The following RAD54L variants were observed in gnomAD, a reference collection of about 807,000 sequenced individuals.
The protein encoded by RAD54L is RAD54 like, also known as DNA repair and recombination protein RAD54-like.
Under a neutral mutation model 91.6 loss-of-function variants are expected in RAD54L, and 74 were observed. The ratio of observed to expected loss-of-function variants is 0.81; its 90% CI spans 0.67 to 0.98. RAD54L has a LOEUF of 0.98. Among genes scored for constraint, RAD54L ranks in the 50% least tolerant of loss-of-function variants. The pLI, the probability that RAD54L is intolerant of heterozygous loss-of-function variation, is 0.00. For missense variants in RAD54L, 887 were observed against 945.7 expected (o/e 0.94, Z 0.81); for synonymous variants, 304 against 349.7 (o/e 0.87, Z 1.46).
Position 46,261,394 on chromosome 1 carries a change from C to CTCT in RAD54L, c.891+10_891+12dup, listed in dbSNP as rs1226223342. The CTCT allele has an allele frequency of 8.1e-6, 13 of 1,613,950 alleles. No individual in the cohort carries two copies. Among genetic ancestry groups the CTCT allele is most frequent in the Non-Finnish European group, 1.1e-5 (13 of 1,180,014 alleles). On this transcript the variant is annotated intron_variant, in intron 8 of 17. Transcript: ENST00000371975. ...TGGTCATATGTGACGAGGTACTTGA[C>CTCT]TCTCAGCAGTCTGGGTGGTAGGAGA...
chr1:46,275,790 A>G (rs1339760943), intron 16 of RAD54L, among the ~76,000 whole-genome samples: 1 of 152,136 alleles, frequency 6.6e-6, no homozygotes, highest in Admixed American at 6.6e-5. Flanking sequence ...ACAGGAGACT[A>G]TGAATTTTTC....
intron 16 of RAD54L, among the ~76,000 whole-genome samples, chr1:46,275,469 C>T (rs1406622894): frequency 6.6e-6 from 1 of 151,582 alleles, no homozygotes; most frequent in Non-Finnish European, 1.5e-5. Context: ...TCTGGCTTGA[C>T]TTCCTTGTTT....
Position 46,261,279 on chromosome 1 carries a change from G to A in RAD54L, c.785G>A (p.Arg262His), listed in dbSNP as rs141226335. The change falls in exon 8 of 18, where the codon CGT becomes CAT. Residue 262 changes from arginine (R) to histidine (H), a missense_variant. By Grantham distance (29) the Arg-to-His change is conservative. Coordinates refer to ENST00000371975, the MANE Select transcript of RAD54L (RefSeq NM_003579.4). The stretch of plus-strand genomic sequence containing the variant: ...GTTGTAGAAGGATTCATGAACCAGC[G>A]TGGAGCCAGGGTGTCTTCTCCCATC... ...DQKLEGFMNQ[R>H]GARVSSPILI... 9.9e-6 allele frequency: 16 copies of A among 1,612,890 alleles called. No individual in the cohort carries two copies. Among genetic ancestry groups the A allele is most frequent in the Middle Eastern group, 1.6e-4 (1 of 6,062 alleles).
chr1:46,254,884 G>A (rs2148281439), intron 3 of RAD54L, among the ~76,000 whole-genome samples: 2 of 152,290 alleles, frequency 1.3e-5, no homozygotes, highest in Middle Eastern at 3.4e-3. Flanking sequence ...ACTGCAGCCG[G>A]TTGGGAGCAT....
At position 46,265,201 on chromosome 1, in the gene RAD54L, G is replaced by C. The variant is rs959637598; in HGVS notation, c.892-2258G>C. Among the ~76,000 whole-genome samples the C allele has an allele frequency of 6.6e-6, 1 of 151,790 alleles. No individual in the cohort carries two copies. Among genetic ancestry groups the C allele is most frequent in the Admixed American group, 6.6e-5 (1 of 15,240 alleles). On this transcript the variant is annotated intron_variant, in intron 8 of 17. Transcript: ENST00000371975. This position sits in a 1 kb window ranked among gnomAD's most constrained non-coding sequence, Gnocchi z 4.8. The stretch of plus-strand genomic sequence containing the variant: ...TTTTTTTTTCTTAATTAAATTTCTA[G>C]GCCAAATGCGGTGGCTTACACCTGT...
chr1:46,257,543 A>G (rs1659977651), intron 3 of RAD54L, among the ~76,000 whole-genome samples: 1 of 152,220 alleles, frequency 6.6e-6, no homozygotes, highest in African/African-American at 2.4e-5. Flanking sequence ...TAGCCCATGG[A>G]ATAATGCTGG....
At position 46,277,983 on chromosome 1, in the gene RAD54L, G is replaced by A. The variant is rs2148308227; in HGVS notation, c.2033+3G>A. ...AGCCTCAGTGACACACATGACAGGTGGGGAAGTGCCCTAACCATTATCTCT... is the reference window on the plus strand; with the variant it reads ...AGCCTCAGTGACACACATGACAGGTAGGGAAGTGCCCTAACCATTATCTCT... On this transcript the variant is annotated splice_donor_region_variant and intron_variant, in intron 17 of 17. Transcript: ENST00000371975. 1 of 1,614,126 alleles carries A rather than the reference G, an allele frequency of 6.2e-7. No homozygotes were observed. Among genetic ancestry groups the A allele is most frequent in the Non-Finnish European group, 8.5e-7 (1 of 1,180,016 alleles).
chr1:46,258,180 G>A (rs1245572678), intron 3 of RAD54L, among the ~76,000 whole-genome samples: 2 of 151,924 alleles, frequency 1.3e-5, no homozygotes, highest in East Asian at 1.9e-4. Context: ...GCCCGGCCTG[G>A]TGTTGTTAAT....
At chr1:46,261,114 G>T in intron 7 of RAD54L, 99 bp downstream of exon 7, 3 of 1,543,338 alleles carry the variant, frequency 1.9e-6, no homozygotes, top group Non-Finnish European at 2.6e-6. Flanking sequence ...CAATGCAGGG[G>T]TAGAAGAAAA....
At chr1:46,255,742 C>T (rs1659924323) in intron 3 of RAD54L, among the ~76,000 whole-genome samples, 1 of 152,102 alleles carries the variant, frequency 6.6e-6, no homozygotes, top group African/African-American at 2.4e-5. Context: ...CTCAGGTGAC[C>T]TGCCCGCCTT....
intron 3 of RAD54L, 35 bp downstream of exon 3, chr1:46,250,154 G>A: frequency 6.2e-7 from 1 of 1,613,506 alleles, no homozygotes; most frequent in Non-Finnish European, 8.5e-7. Context: ...GTGTATGTCT[G>A]TGCCCAGTCA....
intron 14 of RAD54L, 107 bp downstream of exon 14, chr1:46,273,854 T>C: frequency 1.4e-6 from 2 of 1,458,820 alleles, no homozygotes; most frequent in Non-Finnish European, 1.9e-6. Context: ...CATAAGGGCT[T>C]TCCCTGGAGA....
At chr1:46,259,814 G>T in intron 4 of RAD54L, 150 bp from the exon 5 acceptor site, 73 of 917,478 alleles carry the variant, frequency 8.0e-5, no homozygotes, top group Non-Finnish European at 1.1e-4. Flanking sequence ...TGGTCATATA[G>T]AGATGCCCAA....
chr1:46,249,010 T>C (rs903887053), intron 2 of RAD54L, among the ~76,000 whole-genome samples: 1 of 152,218 alleles, frequency 6.6e-6, no homozygotes, highest in Non-Finnish European at 1.5e-5. Flanking sequence ...ACAGGTTGTG[T>C]CCTTCCAGTC....
At chr1:46,275,113 C>A (rs1660555782) in intron 16 of RAD54L, among the ~76,000 whole-genome samples, 1 of 152,234 alleles carries the variant, frequency 6.6e-6, no homozygotes, top group Non-Finnish European at 1.5e-5. Context: ...TGACTACACT[C>A]TTTTCTTCCT....
chr1:46,269,164 C>A (rs1263578124), intron 9 of RAD54L, among the ~76,000 whole-genome samples: 1 of 152,162 alleles, frequency 6.6e-6, no homozygotes, highest in Non-Finnish European at 1.5e-5. Flanking sequence ...CTTCATAAAT[C>A]AAATGTTCAT....
Position 46,278,235 on chromosome 1 carries a change from T to G in RAD54L, c.2197T>G (p.Phe733Val), listed in dbSNP as rs2148309263. 1.2e-6 allele frequency: 2 copies of G among 1,613,848 alleles called. No individual in the cohort carries two copies. ...AWDAASTAIT[F>V]VFHQRSHEEQ... ...GGATGCTGCCTCCACTGCCATCACCTTCGTCTTCCACCAGCGTTCTCATGA... is the reference window on the plus strand; with the variant it reads ...GGATGCTGCCTCCACTGCCATCACCGTCGTCTTCCACCAGCGTTCTCATGA... Residue 733 changes from phenylalanine to valine, a missense_variant, in exon 18 of 18, where the codon TTC (phenylalanine) becomes GTC (valine). Physicochemically the swap from Phe to Val is conservative, Grantham distance 50. Transcript: ENST00000371975.
intron 3 of RAD54L, among the ~76,000 whole-genome samples, chr1:46,253,003 T>A (rs1381029444): frequency 6.6e-6 from 1 of 151,966 alleles, no homozygotes; most frequent in Admixed American, 6.6e-5. Flanking sequence ...GCTGAGGAGG[T>A]CAAGGGTGCA....
At chr1:46,266,917 G>A (rs930115726) in intron 8 of RAD54L, among the ~76,000 whole-genome samples, 1 of 152,222 alleles carries the variant, frequency 6.6e-6, no homozygotes, top group Non-Finnish European at 1.5e-5. Context: ...CACTGGTCTG[G>A]AAACAGGAAG....
Sources: gnomAD v4.1 joint callset for allele counts (sites outside exome capture counted in the v4.1 genomes callset) on GRCh38, gnomAD v4.1.1 for gene constraint, Gnocchi (gnomAD v3.1) non-coding constraint, MANE v1.5 for transcripts, NCBI Gene and HGNC (gene_info 2026-07-23, HGNC 2026-07-21) for gene names.